The following HPSE2 variants were observed in gnomAD, a reference collection of about 807,000 sequenced individuals.
HPSE2 encodes inactive heparanase-2.
Under a neutral mutation model 60.5 loss-of-function variants are expected in HPSE2, and 38 were observed. The ratio of observed to expected loss-of-function variants is 0.63; its 90% CI spans 0.48 to 0.82. The LOEUF is 0.82. HPSE2 is among the 40% of genes least tolerant of loss of function. The probability of loss-of-function intolerance (pLI) is 0.00; values close to 1 mark genes in which losing one functional copy is unlikely to be tolerated. For synonymous variants in HPSE2, 295 were observed against 293.2 expected (o/e 1.01, Z -0.06); for missense variants, 713 against 740.4 (o/e 0.96, Z 0.43).
the HPSE2 span, among the ~76,000 whole-genome samples, chr10:99,244,486 A>G: frequency 0.49 from 73,059 of 147,842 alleles, 21,191 homozygotes; most frequent in Non-Finnish European, 0.64. Flanking sequence ...GGCTCACTGC[A>G]GTCTCTACTT....
At chr10:98,984,635 G>A (rs1481703276) in intron 3 of HPSE2, among the ~76,000 whole-genome samples, 1 of 152,238 alleles carries the variant, frequency 6.6e-6, no homozygotes, top group Non-Finnish European at 1.5e-5. Context: ...GAACAAAGCT[G>A]GATGGAGAAT....
chr10:98,867,602 A>T (rs1472078557), intron 3 of HPSE2, among the ~76,000 whole-genome samples: 1 of 152,220 alleles, frequency 6.6e-6, no homozygotes, highest in East Asian at 1.9e-4. Flanking sequence ...TCAAAAAACT[A>T]AAAATAGGCT....
chr10:99,160,768 G>A (rs918805312), intron 2 of HPSE2, among the ~76,000 whole-genome samples: 7 of 150,124 alleles, frequency 4.7e-5, no homozygotes, highest in South Asian at 2.1e-4. Flanking sequence ...GCGTAGTGGC[G>A]GGCGCCTGTA....
chr10:99,106,829 C>G (rs1844267525), intron 3 of HPSE2, among the ~76,000 whole-genome samples: 1 of 152,076 alleles, frequency 6.6e-6, no homozygotes, highest in African/African-American at 2.4e-5. Context: ...AGTTAGCATT[C>G]TAGTCCTGCT....
chr10:98,773,008 C>T (rs1950272513), intron 3 of HPSE2, among the ~76,000 whole-genome samples: 1 of 152,118 alleles, frequency 6.6e-6, no homozygotes, highest in South Asian at 2.1e-4. Flanking sequence ...ATTTCCTCTT[C>T]TTTTGGAGGC....
intron 6 of HPSE2, among the ~76,000 whole-genome samples, chr10:98,693,043 G>A (rs1589650194): frequency 1.3e-5 from 2 of 152,322 alleles, no homozygotes; most frequent in East Asian, 3.9e-4. Flanking sequence ...AGGATAGACA[G>A]AAGGAGTACA....
rs1210769208 is a variant in HPSE2, at chr10:98,940,088, A to T, written c.611-196032T>A. Among the ~76,000 whole-genome samples, 8 of 143,548 alleles carry T rather than the reference A, an allele frequency of 5.6e-5. 1 individual carries two copies. In the East Asian group the frequency reaches 7.9e-4, roughly 14 times the overall value. 94.2% of individuals were successfully genotyped at this position (143,548 alleles called of 152,430 possible). On this transcript the variant is annotated intron_variant, in intron 3 of 11. Transcript: ENST00000370552. ...TCTGGGACACATTCAAAGCAGTGTA[A>T]AGAGGGAAATTTATAGCACTAAATG...
chr10:98,503,519 T>C (rs1942097025), intron 9 of HPSE2, among the ~76,000 whole-genome samples: 1 of 152,206 alleles, frequency 6.6e-6, no homozygotes, highest in South Asian at 2.1e-4. Context: ...ACTGGGTATC[T>C]ACCCAGAGGA....
intron 11 of HPSE2, among the ~76,000 whole-genome samples, chr10:98,473,504 AG>A (rs201889127): frequency 0.14 from 16,774 of 123,784 alleles, 1,902 homozygotes; most frequent in East Asian, 0.22. Context: ...AAAAAAAAAA[AG>A]AAGGCAGAAA....
intron 3 of HPSE2, among the ~76,000 whole-genome samples, chr10:98,869,425 C>A (rs749347895): frequency 1.3e-5 from 2 of 152,158 alleles, no homozygotes; most frequent in Non-Finnish European, 2.9e-5. Flanking sequence ...CAGACACTTA[C>A]TACAACAATG....
chr10:98,643,628 C>T (rs906655351), intron 6 of HPSE2, among the ~76,000 whole-genome samples: 13 of 152,080 alleles, frequency 8.5e-5, no homozygotes, highest in Non-Finnish European at 1.6e-4. Flanking sequence ...TATCTCATAA[C>T]CTGTTCATAG....
At chr10:99,042,629 C>T (rs892359180) in intron 3 of HPSE2, among the ~76,000 whole-genome samples, 3 of 151,900 alleles carry the variant, frequency 2.0e-5, no homozygotes, top group African/African-American at 7.3e-5. Context: ...TGTGGACTGC[C>T]GTGGGAGCAG....
intron 3 of HPSE2, chr10:98,924,397 CCA>C (rs2135077648): frequency 6.6e-6 from 1 of 152,364 alleles, no homozygotes; most frequent in African/African-American, 2.4e-5. Flanking sequence ...CCAGGTGTGT[CCA>C]GAGATGCTGT....
intron 3 of HPSE2, among the ~76,000 whole-genome samples, chr10:98,830,271 T>C (rs576693877): frequency 1.1e-4 from 17 of 151,718 alleles, no homozygotes; most frequent in African/African-American, 3.6e-4. Flanking sequence ...ATAAACTCAA[T>C]AGAGAGAAGG....
chr10:98,597,713 C>T (rs1412953281), intron 9 of HPSE2, among the ~76,000 whole-genome samples: 1 of 149,374 alleles, frequency 6.7e-6, no homozygotes, highest in African/African-American at 2.5e-5. Flanking sequence ...TGTTGACTTA[C>T]ACCTGTAATC....
At chr10:98,834,853 A>G (rs1253498517) in intron 3 of HPSE2, among the ~76,000 whole-genome samples, 1 of 152,084 alleles carries the variant, frequency 6.6e-6, no homozygotes, top group Non-Finnish European at 1.5e-5. Context: ...ATGTAAAACA[A>G]TGTCATTCTT....
chr10:98,966,275 G>A (rs1955812609), intron 3 of HPSE2, among the ~76,000 whole-genome samples: 1 of 152,184 alleles, frequency 6.6e-6, no homozygotes, highest in African/African-American at 2.4e-5. Context: ...GGGAGGGAAA[G>A]CTTCCAGGAG....
At chr10:98,508,510 G>A (rs1278355124) in intron 9 of HPSE2, among the ~76,000 whole-genome samples, 1 of 152,208 alleles carries the variant, frequency 6.6e-6, no homozygotes, top group Non-Finnish European at 1.5e-5. Flanking sequence ...CTATGATTAA[G>A]TTCTTGGCAT....
At chr10:99,182,316 C>T (rs900167093) in intron 2 of HPSE2, among the ~76,000 whole-genome samples, 2 of 152,162 alleles carry the variant, frequency 1.3e-5, no homozygotes, top group African/African-American at 4.8e-5. Context: ...CCTTATTTTA[C>T]AAGTGATAAA....
Sources: allele counts gnomAD v4.1 joint callset (sites outside exome capture counted in the v4.1 genomes callset), GRCh38; gene constraint gnomAD v4.1.1; transcripts MANE v1.5; gene names NCBI Gene and HGNC (gene_info 2026-07-23, HGNC 2026-07-21).